The following DOK2 variants were observed in gnomAD, a reference collection of about 807,000 sequenced individuals.
The protein encoded by DOK2 is docking protein 2, also known as docking protein 2, 56kD.
Under a neutral mutation model 26.0 loss-of-function variants are expected in DOK2, and 28 were observed. The ratio of observed to expected loss-of-function variants is 1.08; its 90% CI spans 0.80 to 1.48. The LOEUF (loss-of-function observed/expected upper bound fraction) is 1.48. DOK2 is among the 40% of genes most tolerant of loss of function. The probability of loss-of-function intolerance (pLI) is 0.00; values close to 1 mark genes in which losing one functional copy is unlikely to be tolerated. For missense variants in DOK2, 682 were observed against 558.2 expected (o/e 1.22, Z -2.23); for synonymous variants, 282 against 236.9 (o/e 1.19, Z -1.75).
rs1157982032 is a variant in DOK2, at chr8:21,913,543, C to T, written c.59G>A (p.Gly20Glu). 1.4e-5 allele frequency: 22 copies of T among 1,613,988 alleles called. No individual in the cohort carries two copies. The highest frequency in any genetic ancestry group is 1.9e-5 in the Non-Finnish European group (22 of 1,180,028). Residue 20 changes from glycine to glutamate, a missense_variant, in exon 1 of 5, where the codon GGA becomes GAA. Transcript: ENST00000276420. ...CCAGCCCAGCCTCACTCCTACCTTTCCAAACGTCTGCTGCTGCTGAAGATA... is the reference window on the plus strand; with the variant it reads ...CCAGCCCAGCCTCACTCCTACCTTTTCAAACGTCTGCTGCTGCTGAAGATA... ...FLYLQQQQTF[G>E]KKWRRFGASL... is the part of the protein sequence containing the mutation.
At position 21,909,974 on chromosome 8, in the gene DOK2, A is replaced by G. The variant is rs747205984; in HGVS notation, c.619-43T>C. On this transcript the variant is annotated intron_variant, in intron 4 of 4. Coordinates refer to ENST00000276420, the MANE Select transcript of DOK2 (RefSeq NM_003974.4). Reference sequence around the variant, plus strand: ...CAGGTTATTGGCCAGGCCACAGGGCAGGGGTGCATTTTTTTTTTTTTTTTT... The same window carrying G: ...CAGGTTATTGGCCAGGCCACAGGGCGGGGGTGCATTTTTTTTTTTTTTTTT... The G allele has an allele frequency of 4.6e-6, 7 of 1,518,800 alleles. No individual in the cohort carries two copies. The African/African-American group carries it at 9.9e-5, about 21-fold the overall frequency. 94.1% of individuals were successfully genotyped at this position (1,518,800 alleles called of 1,614,324 possible). A position where few individuals can be genotyped will look rare whatever the true frequency, so the allele number is the denominator to read the frequency against.
chr8:21,912,181 C>T, intron 2 of DOK2, 48 bp downstream of exon 2: 2 of 1,501,568 alleles, frequency 1.3e-6, no homozygotes, highest in South Asian at 2.6e-5. Context: ...TATCTAACAC[C>T]CTCGGCCTGC....
Position 21,911,912 on chromosome 8 carries a change from C to G in DOK2, c.422G>C (p.Ser141Thr). 11 of 1,561,748 alleles carry G rather than the reference C, an allele frequency of 7.0e-6. No individual in the cohort carries two copies. The highest frequency in any genetic ancestry group is 8.7e-6 in the Non-Finnish European group (10 of 1,152,850). The change falls in exon 3 of 5, where the codon AGC becomes ACC. Residue 141 changes from serine to threonine, a missense_variant. Transcript: ENST00000276420. ...PCMEENELYS[S>T]AVTVGPHKEF... ...CCCCGCCCCCTCACCTGTGACTGCG[C>G]TGCTGTACAATTCATTTTCCTCCAT... is the stretch of plus-strand genomic sequence containing the variant.
intron 4 of DOK2, 49 bp downstream of exon 4, chr8:21,910,624 C>T (rs748525720): frequency 6.2e-5 from 100 of 1,605,490 alleles, no homozygotes; most frequent in Admixed American, 2.9e-4. Flanking sequence ...CCTCTTTGTT[C>T]GTAGCTTATC....
At chr8:21,912,599 A>T in intron 1 of DOK2, 89 bp from the exon 2 acceptor site, 1 of 1,341,058 alleles carries the variant, frequency 7.5e-7, no homozygotes, top group Non-Finnish European at 9.9e-7. Context: ...GAACCGTGGG[A>T]GGGGGACTGG....
chr8:21,908,936 C>A lies in DOK2; in HGVS notation c.*375G>T. The A allele has an allele frequency of 5.6e-6, 1 of 179,638 alleles. No homozygotes were observed. The highest frequency in any genetic ancestry group is 1.2e-5 in the Non-Finnish European group (1 of 86,698). The allele number at this position is 179,638 out of a possible 1,614,324, so 11.1% of individuals were successfully genotyped here. A position where few individuals can be genotyped will look rare whatever the true frequency, so the allele number is the denominator to read the frequency against. On this transcript the variant is annotated 3_prime_UTR_variant, in exon 5 of 5. Coordinates refer to ENST00000276420, the MANE Select transcript of DOK2 (RefSeq NM_003974.4). Reference sequence around the variant, plus strand: ...AGGTGCAGGAAGCTGCCGCCATCCCCCTGGGTGCCTGGGCCCAGGCTGTCC... The same window carrying A: ...AGGTGCAGGAAGCTGCCGCCATCCCACTGGGTGCCTGGGCCCAGGCTGTCC...
chr8:21,909,528 G>A lies in DOK2; in HGVS notation c.1022C>T (p.Pro341Leu), dbSNP rs1306192241. ...CTCGGGCTCATCGTATATGTGGTCA[G>A]GTCGAGGGGGCAGGGTCTCCTCAAT... The part of the protein sequence containing the change: ...DSIEETLPPR[P>L]DHIYDEPEGV... Residue 341 changes from proline (P) to leucine (L), a missense_variant, in exon 5 of 5, where the codon CCT becomes CTT. Coordinates refer to ENST00000276420, the MANE Select transcript of DOK2 (RefSeq NM_003974.4). 6.2e-7 allele frequency: 1 copy of A among 1,614,202 alleles called. No individual in the cohort carries two copies. Among genetic ancestry groups the A allele is most frequent in the Non-Finnish European group, 8.5e-7 (1 of 1,180,048 alleles).
Position 21,911,958 on chromosome 8 carries a change from C to T in DOK2, c.376G>A (p.Gly126Arg), listed in dbSNP as rs1419265597. ...GQRKELSGPE[G>R]KQSRPCMEEN... ...TCCATGCAGGGCCGGCTCTGCTTTC[C>T]CTCTGGCCCCGAGAGCTCCTTCCTC... Residue 126 changes from glycine to arginine, a missense_variant, in exon 3 of 5, where the codon GGA becomes AGA. Gly to Arg is a moderately radical substitution (Grantham distance 125). Coordinates refer to ENST00000276420, the MANE Select transcript of DOK2 (RefSeq NM_003974.4). 11 of 1,558,664 alleles carry T rather than the reference C, an allele frequency of 7.1e-6. No individual in the cohort carries two copies. The highest frequency in any genetic ancestry group is 2.4e-5 in the East Asian group (1 of 42,096).
At chr8:21,912,060 A>G (rs1585399431) in intron 2 of DOK2, 72 bp from the exon 3 acceptor site, 2 of 1,504,518 alleles carry the variant, frequency 1.3e-6, no homozygotes, top group Non-Finnish European at 1.8e-6. Flanking sequence ...GCCTTCTTTC[A>G]GGCCACCTCA....
At position 21,911,965 on chromosome 8, in the gene DOK2, C is replaced by T. The variant is rs1329153666; in HGVS notation, c.369G>A (p.Gly123=). ...AGGGCCGGCTCTGCTTTCCCTCTGG[C>T]CCCGAGAGCTCCTTCCTCTGCCCCT... is the stretch of plus-strand genomic sequence containing the variant. ...AFPGQRKELS[G]PEGKQSRPCM... The change falls in exon 3 of 5, where the codon GGG becomes GGA. Residue 123 remains glycine, a synonymous_variant. Coordinates refer to ENST00000276420, the MANE Select transcript of DOK2 (RefSeq NM_003974.4). 10 of 1,556,572 alleles carry T rather than the reference C, an allele frequency of 6.4e-6. No homozygotes were observed. The East Asian group carries it at 2.4e-4, about 37-fold the overall frequency.
At chr8:21,910,486 C>T (rs578115923) in intron 4 of DOK2, among the ~76,000 whole-genome samples, 187 bp downstream of exon 4, 1 of 152,182 alleles carries the variant, frequency 6.6e-6, no homozygotes, top group Admixed American at 6.5e-5. Flanking sequence ...CTGTTTACCC[C>T]TCTACGGTCT....
At chr8:21,911,817 A>G in intron 3 of DOK2, 84 bp downstream of exon 3, 1 of 1,382,074 alleles carries the variant, frequency 7.2e-7, no homozygotes, top group Non-Finnish European at 9.7e-7. Context: ...ACTCGGGGCC[A>G]GCAGCTAGCC....
chr8:21,912,319 G>T lies in DOK2; in HGVS notation c.255C>A (p.Phe85Leu). Residue 85 changes from phenylalanine (F) to leucine (L), a missense_variant, in exon 2 of 5, where the codon TTC (phenylalanine) becomes TTA (leucine). Physicochemically the swap from Phe to Leu is conservative, Grantham distance 22 (BLOSUM62 0). Transcript: ENST00000276420. ...GGTACAGGCGCTCCTTGGTCTCCAGGAAGAAGGCACTGGTGTCCCGGGGGC... is the reference window on the plus strand; with the variant it reads ...GGTACAGGCGCTCCTTGGTCTCCAGTAAGAAGGCACTGGTGTCCCGGGGGC... ...ASSPRDTSAFFLETKERLYLL... is the reference protein window; with the variant it reads ...ASSPRDTSAFLLETKERLYLL... 6.2e-7 allele frequency: 1 copy of T among 1,606,520 alleles called. No individual in the cohort carries two copies.
chr8:21,909,251 G>A lies in DOK2; in HGVS notation c.*60C>T. 6.6e-7 allele frequency: 1 copy of A among 1,507,698 alleles called. No individual in the cohort carries two copies. Among genetic ancestry groups the A allele is most frequent in the South Asian group, 1.4e-5 (1 of 73,700 alleles). 93.4% of individuals were successfully genotyped at this position (1,507,698 alleles called of 1,614,324 possible). ...GCAGAGGAGGTTCTTCTGATGCAGT[G>A]GCCAGGAGGAGTCACCAGCAGAAGC... On this transcript the variant is annotated 3_prime_UTR_variant, in exon 5 of 5. Transcript: ENST00000276420.
intron 4 of DOK2, among the ~76,000 whole-genome samples, chr8:21,910,138 C>A (rs1368178452): frequency 6.6e-6 from 1 of 152,120 alleles, no homozygotes; most frequent in African/African-American, 2.4e-5. Context: ...CATGCCACCA[C>A]GCCCAGCTAA....
rs150264736 is a variant in DOK2 at position 21,913,584 on chromosome 8, C to T, written c.18G>A (p.Val6=). The change falls in exon 1 of 5, where the codon GTG becomes GTA. Residue 6 remains valine, a synonymous_variant. Coordinates refer to ENST00000276420, the MANE Select transcript of DOK2 (RefSeq NM_003974.4). ...GCTGAAGATACAAGAAGCCTTGTTT[C>T]ACTGCCCCGTCTCCCATCCTCTGAC... The part of the protein sequence containing the change: MGDGA[V]KQGFLYLQQQ... 8 of 1,613,982 alleles carry T rather than the reference C, an allele frequency of 5.0e-6. No individual in the cohort carries two copies. The African/African-American group carries it at 1.1e-4, about 22-fold the overall frequency.
At position 21,909,134 on chromosome 8, in the gene DOK2, C is replaced by T. The variant is rs536782500; in HGVS notation, c.*177G>A. 4 of 684,244 alleles carry T rather than the reference C, an allele frequency of 5.8e-6. No homozygotes were observed. In the South Asian group the frequency reaches 9.9e-5, roughly 17 times the overall value. 42.4% of individuals were successfully genotyped at this position (684,244 alleles called of 1,614,324 possible). ...GGTGGTTCTCTCCAGGGCACCCTTC[C>T]TGCTTTGGGATGGTGACTCACCCAG... On this transcript the variant is annotated 3_prime_UTR_variant, in exon 5 of 5. Coordinates refer to ENST00000276420, the MANE Select transcript of DOK2 (RefSeq NM_003974.4).
intron 1 of DOK2, 84 bp downstream of exon 1, chr8:21,913,455 T>C: frequency 1.3e-6 from 2 of 1,550,322 alleles, no homozygotes; most frequent in Non-Finnish European, 1.8e-6. Flanking sequence ...ATAAGGGTTT[T>C]GAATATGAAA....
intron 1 of DOK2, 118 bp downstream of exon 1, chr8:21,913,421 C>T: frequency 8.0e-7 from 1 of 1,254,294 alleles, no homozygotes; most frequent in Non-Finnish European, 1.1e-6. Context: ...CTGGGTCTAA[C>T]TTGGTGGGTG....
Sources: gnomAD v4.1 joint callset for allele counts (sites outside exome capture counted in the v4.1 genomes callset) on GRCh38, gnomAD v4.1.1 for gene constraint, MANE v1.5 for transcripts, NCBI Gene and HGNC (gene_info 2026-07-23, HGNC 2026-07-21) for gene names.